C3: variants seen among roughly 807,000 people sequenced by gnomAD.
C3 encodes C3 and PZP-like alpha-2-macroglobulin domain-containing protein 1.
C3 carries 97 observed loss-of-function variants against 207.9 expected under a neutral mutation model. The observed-to-expected ratio is 0.47, with a 90% CI of 0.40 to 0.55. The LOEUF (loss-of-function observed/expected upper bound fraction) is 0.55. Among genes scored for constraint, C3 ranks in the 20% least tolerant of loss-of-function variants. The probability of loss-of-function intolerance (pLI) is 0.00; values close to 1 mark genes in which losing one functional copy is unlikely to be tolerated. For synonymous variants in C3, 848 were observed against 857.6 expected (o/e 0.99, Z 0.20); for missense variants, 1,684 against 2,171.7 (o/e 0.78, Z 4.46).
In C3 at chr19:6,697,422, G is replaced by T. The variant is rs1967562209; in HGVS notation, c.2718C>A (p.Gly906=). Reference sequence around the variant, plus strand: ...CAGCCTTGACTTCCACTTCCTGCAGGCCGGTCTTTAGCGGCACGATGACAT... The same window carrying T: ...CAGCCTTGACTTCCACTTCCTGCAGTCCGGTCTTTAGCGGCACGATGACAT... ...VPYVIVPLKT[G]LQEVEVKAAV... The change falls in exon 21 of 41, where the codon GGC becomes GGA. Residue 906 remains glycine, a synonymous_variant. Transcript: ENST00000245907. The T allele has an allele frequency of 1.9e-6, 3 of 1,613,866 alleles. No individual in the cohort carries two copies. The highest frequency in any genetic ancestry group is 1.3e-5 in the African/African-American group (1 of 74,868).
intron 14 of C3, 90 bp from the exon 15 acceptor site, chr19:6,708,019 TG>T: frequency 6.6e-7 from 1 of 1,510,910 alleles, no homozygotes; most frequent in Non-Finnish European, 9.1e-7. Context: ...TCTTCCCAAA[TG>T]ACCCCACCCT....
intron 15 of C3, 55 bp downstream of exon 15, chr19:6,707,745 T>G: frequency 6.2e-7 from 1 of 1,606,624 alleles, no homozygotes; most frequent in Non-Finnish European, 8.5e-7. Flanking sequence ...GCTCCCAGCA[T>G]CTGGGAGGTG....
chr19:6,717,937 T>A, intron 4 of C3, 157 bp downstream of exon 4: 2 of 749,802 alleles, frequency 2.7e-6, no homozygotes, highest in Admixed American at 3.6e-5. Context: ...GTGTGCTGTA[T>A]GTGTGTGTGT....
chr19:6,718,000 C>A, intron 4 of C3, 94 bp downstream of exon 4: 1 of 1,231,134 alleles, frequency 8.1e-7, no homozygotes, highest in Non-Finnish European at 1.2e-6. Flanking sequence ...TGCCACTGCA[C>A]CCCTTCCGGT....
At chr19:6,696,944 AG>A (rs368799460) in intron 21 of C3, among the ~76,000 whole-genome samples, 4,307 of 151,466 alleles carry the variant, frequency 0.028, 195 homozygotes, top group African/African-American at 0.099. Flanking sequence ...CGGGAGGCTG[AG>A]GCAGGAGGAT....
rs373178465 is a variant in C3, at chr19:6,707,291, C to T, written c.2048-18G>A. 2.7e-5 allele frequency: 43 copies of T among 1,604,374 alleles called. No individual in the cohort carries two copies. In the African/African-American group the frequency reaches 5.4e-4, roughly 20 times the overall value. On this transcript the variant is annotated intron_variant, in intron 16 of 40. Coordinates refer to ENST00000245907, the MANE Select transcript of C3 (RefSeq NM_000064.4). Reference sequence around the variant, plus strand: ...CTTGCCGACTGCGGGAGCACGTGTTCCCCCAGGCCACACCCTCAGCCGGGG... The same window carrying T: ...CTTGCCGACTGCGGGAGCACGTGTTTCCCCAGGCCACACCCTCAGCCGGGG...
At chr19:6,699,078 G>A (rs774856698) in intron 19 of C3, among the ~76,000 whole-genome samples, 1 of 152,088 alleles carries the variant, frequency 6.6e-6, no homozygotes, top group Non-Finnish European at 1.5e-5. Context: ...TTACAGGTGT[G>A]AGCCACCGTG....
Position 6,686,752 on chromosome 19 carries a change from C to G in C3, c.3640G>C (p.Ala1214Pro), listed in dbSNP as rs369949940. 3.1e-6 allele frequency: 5 copies of G among 1,613,780 alleles called. No homozygotes were observed. Among genetic ancestry groups the G allele is most frequent in the Non-Finnish European group, 4.2e-6 (5 of 1,180,058 alleles). Reference sequence around the variant, plus strand: ...CCTCCAGGCCAACCCTCACCTTTGGCTGTGGTCAGAAATTTGTTAAGAAGA... The same window carrying G: ...CCTCCAGGCCAACCCTCACCTTTGGGTGTGGTCAGAAATTTGTTAAGAAGA... ...GPLLNKFLTT[A>P]KDKNRWEDPG... is the part of the protein sequence containing the mutation. Residue 1214 changes from alanine to proline, a missense_variant, in exon 28 of 41, where the codon GCC becomes CCC. Around this residue, in one of 3 missense-constraint regions of C3, gnomAD observed 1,280 missense variants for 1,739.1 expected, o/e 0.74. Transcript: ENST00000245907.
chr19:6,689,356 C>CT (rs1918107969), intron 27 of C3, among the ~76,000 whole-genome samples: 18 of 47,186 alleles, frequency 3.8e-4, no homozygotes, highest in South Asian at 1.5e-3. Flanking sequence ...TCCCTCCCTC[C>CT]CTCCCTCTCT....
chr19:6,710,833 C>G lies in C3; in HGVS notation c.1492G>C (p.Gly498Arg), dbSNP rs746892902. The change falls in exon 13 of 41, where the codon GGC (glycine) becomes CGC (arginine). Residue 498 changes from glycine (G) to arginine (R), a missense_variant. Gly to Arg is a moderately radical substitution (Grantham distance 125, BLOSUM62 -2). Coordinates refer to ENST00000245907, the MANE Select transcript of C3 (RefSeq NM_000064.4). ...RYYTYLIMNK[G>R]RLLKAGRQVR... ...TGGCGTCCCGCCTTCAACAGCCTGC[C>G]CTTGTTCATGATCTGGGGGGACAGG... 2 of 1,613,698 alleles carry G rather than the reference C, an allele frequency of 1.2e-6. No homozygotes were observed. Among genetic ancestry groups the G allele is most frequent in the Non-Finnish European group, 1.7e-6 (2 of 1,179,864 alleles).
chr19:6,694,710 G>A (rs1256695223), intron 23 of C3, 76 bp from the exon 24 acceptor site: 5 of 1,397,094 alleles, frequency 3.6e-6, no homozygotes, highest in African/African-American at 2.8e-5. Context: ...AAGGGTTCCA[G>A]CCTCCCAACC....
At chr19:6,708,654 T>A (rs1967840470) in intron 14 of C3, among the ~76,000 whole-genome samples, 1 of 149,374 alleles carries the variant, frequency 6.7e-6, no homozygotes, top group African/African-American at 2.5e-5. Flanking sequence ...TCTGTTTCTC[T>A]CTCTCTTCTT....
At chr19:6,686,069 T>C in intron 29 of C3, 55 bp downstream of exon 29, 1 of 1,584,790 alleles carries the variant, frequency 6.3e-7, no homozygotes, top group Non-Finnish European at 8.7e-7. Flanking sequence ...AGGAGGCCAG[T>C]GGGAAGCCGC....
In C3 at chr19:6,686,279, G is replaced by A. The variant is rs373102036; in HGVS notation, c.3655C>T (p.Arg1219Cys). The stretch of plus-strand genomic sequence containing the variant: ...AGCTGCTTACCAGGGTCCTCCCAGC[G>A]GTTCTTATCTGCAAAGAAGATACCC... ...KFLTTAKDKN[R>C]WEDPGKQLYN... Residue 1219 changes from arginine to cysteine, a missense_variant, in exon 29 of 41, where the codon CGC becomes TGC. Arg to Cys is a radical substitution (Grantham distance 180). Coordinates refer to ENST00000245907, the MANE Select transcript of C3 (RefSeq NM_000064.4). 90 of 1,613,846 alleles carry A rather than the reference G, an allele frequency of 5.6e-5. No individual in the cohort carries two copies. Among genetic ancestry groups the A allele is most frequent in the African/African-American group, 1.6e-4 (12 of 74,900 alleles).
At chr19:6,684,521 T>C (rs753523605) in intron 32 of C3, 39 bp downstream of exon 32, 2 of 1,576,316 alleles carry the variant, frequency 1.3e-6, no homozygotes, top group Non-Finnish European at 1.7e-6. Flanking sequence ...AGAAGAGGGG[T>C]AGGAGGAAGG....
chr19:6,687,158 G>C (rs1918031034), intron 27 of C3, among the ~76,000 whole-genome samples: 1 of 152,164 alleles, frequency 6.6e-6, no homozygotes, highest in African/African-American at 2.4e-5. Flanking sequence ...CAGCTCTCCA[G>C]TGGGAGGGTT....
chr19:6,679,608 TTCAACCCC>T, intron 36 of C3, 112 bp from the exon 37 acceptor site: 4 of 787,548 alleles, frequency 5.1e-6, no homozygotes, highest in Non-Finnish European at 9.2e-6. Context: ...ATGCTAGGTC[TTCAACCCC>T]TCAGATCCCT....
rs552725250 is a variant in C3 at position 6,692,384 on chromosome 19, C to T, written c.3390+540G>A. ...TGTTTAAGTGCCACAGGGGGAGCCA[C>T]GGGACTTTCTAAGAACTGATCCAGC... On this transcript the variant is annotated intron_variant, in intron 26 of 40. Transcript: ENST00000245907. Among the ~76,000 whole-genome samples, 6 of 152,250 alleles carry T rather than the reference C, an allele frequency of 3.9e-5. 1 individual carries two copies. The highest frequency in any genetic ancestry group is 1.4e-4 in the African/African-American group (6 of 41,550).
At position 6,685,159 on chromosome 19, in the gene C3, A is replaced by C. The variant is rs771737536; in HGVS notation, c.3811-13T>G. 1 of 1,612,870 alleles carries C rather than the reference A, an allele frequency of 6.2e-7. No homozygotes were observed. Among genetic ancestry groups the C allele is most frequent in the Non-Finnish European group, 8.5e-7 (1 of 1,179,344 alleles). On this transcript the variant is annotated splice_polypyrimidine_tract_variant and intron_variant, in intron 29 of 40. Transcript: ENST00000245907. ...CCATGAAGGTGGCCTAGAACCCACA[A>C]GAGAGAAAGATGGTGATCTGGGAGC...
Sources: allele counts gnomAD v4.1 joint callset (sites outside exome capture counted in the v4.1 genomes callset), GRCh38; gene constraint gnomAD v4.1.1; regional missense constraint gnomAD v4.1.1; transcripts MANE v1.5; gene names NCBI Gene and HGNC (gene_info 2026-07-23, HGNC 2026-07-21).